The following NGEF variants were observed in gnomAD, a reference collection of about 807,000 sequenced individuals.
NGEF encodes ephexin-1.
Under a neutral mutation model 80.9 loss-of-function variants are expected in NGEF, and 31 were observed. That is an observed-to-expected ratio of 0.38 (90% CI 0.29 to 0.52). The LOEUF (loss-of-function observed/expected upper bound fraction) is 0.52. NGEF is among the 20% of genes least tolerant of loss of function. The pLI is 0.84. For synonymous variants in NGEF, 371 were observed against 370.2 expected, an observed-to-expected ratio of 1.00 and a Z score of -0.03; for missense variants, 709 against 926.2, an observed-to-expected ratio of 0.77 and a Z score of 3.04.
chr2:232,954,127 T>C (rs1693742232), intron 3 of NGEF, among the ~76,000 whole-genome samples: 1 of 152,170 alleles, frequency 6.6e-6, no homozygotes, highest in African/African-American at 2.4e-5. Context: ...GTTCAGGGTG[T>C]GCACTGTCCA....
chr2:232,978,418 G>A (rs958354710), intron 1 of NGEF, among the ~76,000 whole-genome samples: 3 of 152,280 alleles, frequency 2.0e-5, no homozygotes, highest in Non-Finnish European at 2.9e-5. Context: ...CGGATGCTGA[G>A]GCAGGAGAAT....
chr2:232,959,299 A>G (rs1377841807), intron 3 of NGEF, among the ~76,000 whole-genome samples: 2 of 152,094 alleles, frequency 1.3e-5, no homozygotes, highest in Admixed American at 6.6e-5. Context: ...ATTCCTGGTT[A>G]GAGCTGCAGG....
In NGEF at chr2:232,966,804, C is replaced by T. The variant is rs10175050; in HGVS notation, c.383+3410G>A. On this transcript the variant is annotated intron_variant, in intron 3 of 14. Coordinates refer to ENST00000264051, the MANE Select transcript of NGEF (RefSeq NM_019850.3). The stretch of plus-strand genomic sequence containing the variant: ...TGGACTCTTGCTCTGGCTTTGGGTC[C>T]GGGTTGTCAGTTACTTTTACTCTCA... Among the ~76,000 whole-genome samples, 282 of 152,162 alleles carry T rather than the reference C, an allele frequency of 1.9e-3. 2 individuals are homozygous for T. The highest frequency in any genetic ancestry group is 2.0e-3 in the Admixed American group (30 of 15,282).
At chr2:232,987,065 G>T (rs1559236060) in intron 1 of NGEF, among the ~76,000 whole-genome samples, 1 of 152,048 alleles carries the variant, frequency 6.6e-6, no homozygotes. Flanking sequence ...TGCCCAGGCT[G>T]GAGTGCAGTG....
chr2:232,995,645 A>AC (rs1694823221), intron 1 of NGEF, among the ~76,000 whole-genome samples: 1 of 52,094 alleles, frequency 1.9e-5, no homozygotes, highest in African/African-American at 6.9e-5. Context: ...TATGTATTAT[A>AC]GTGTATATAT....
chr2:232,973,126 AGAAGGG>A lies in NGEF; in HGVS notation c.268+1491_268+1496del, dbSNP rs774729506. 1.1e-3 allele frequency among the ~76,000 whole-genome samples: 171 copies of A among 152,214 alleles called. 1 individual carries two copies. Among genetic ancestry groups the A allele is most frequent in the Middle Eastern group, 6.8e-3 (2 of 294 alleles). On this transcript the variant is annotated intron_variant, in intron 2 of 14. Transcript: ENST00000264051. ...TGGGAAGCCCTTTCCTAACCCCAGC[AGAAGGG>A]TCTAATGCTTTGCCTTTATCTCTCC...
At chr2:232,916,984 C>T (rs1362859532) in intron 5 of NGEF, among the ~76,000 whole-genome samples, 1 of 152,258 alleles carries the variant, frequency 6.6e-6, no homozygotes, top group Non-Finnish European at 1.5e-5. Context: ...AGGGCAGAGG[C>T]CACCTGCCCG....
chr2:232,879,693 G>C lies in NGEF; in HGVS notation c.1943-14C>G. 6.2e-7 allele frequency: 1 copy of C among 1,602,772 alleles called. No homozygotes were observed. The highest frequency in any genetic ancestry group is 1.1e-5 in the South Asian group (1 of 90,882). ...CAAAGATCCACCCTGTGCAGGGAGG[G>C]GAGGGAGAGAAGGTCAGTGCTCCTG... On this transcript the variant is annotated splice_polypyrimidine_tract_variant and intron_variant, in intron 14 of 14. Transcript: ENST00000264051.
chr2:233,000,506 C>A (rs1315412572), intron 1 of NGEF, among the ~76,000 whole-genome samples: 1 of 152,112 alleles, frequency 6.6e-6, no homozygotes, highest in Non-Finnish European at 1.5e-5. Flanking sequence ...AATGCCAATC[C>A]CAGCACTTTG....
intron 8 of NGEF, chr2:232,891,121 G>A: frequency 1.7e-6 from 1 of 602,020 alleles, no homozygotes; most frequent in Non-Finnish European, 3.1e-6. Flanking sequence ...GGCCCATTTG[G>A]CTGTCCCCAG....
chr2:232,996,667 G>C (rs1694857354), intron 1 of NGEF, among the ~76,000 whole-genome samples: 2 of 152,110 alleles, frequency 1.3e-5, no homozygotes, highest in African/African-American at 4.8e-5. Context: ...GCTCATTTTT[G>C]TGTTTTTAGT....
At chr2:232,919,266 C>CG (rs972834671) in intron 5 of NGEF, among the ~76,000 whole-genome samples, 1 of 151,992 alleles carries the variant, frequency 6.6e-6, no homozygotes, top group African/African-American at 2.4e-5. Flanking sequence ...ACAGGAATAT[C>CG]GGGGGGTAGG....
At chr2:232,880,832 G>C (rs1691476847) in intron 14 of NGEF, among the ~76,000 whole-genome samples, 1 of 139,244 alleles carries the variant, frequency 7.2e-6, no homozygotes, top group Non-Finnish European at 1.6e-5. Flanking sequence ...CTGTGATGGG[G>C]GTGCTGAGGC....
chr2:232,943,534 C>G (rs996611095), intron 3 of NGEF, among the ~76,000 whole-genome samples: 35 of 137,058 alleles, frequency 2.6e-4, no homozygotes, highest in African/African-American at 4.6e-4. Flanking sequence ...CTCACTCTGT[C>G]GCCCAGGCTG....
At chr2:232,983,904 C>T (rs929652064) in intron 1 of NGEF, among the ~76,000 whole-genome samples, 7 of 152,282 alleles carry the variant, frequency 4.6e-5, no homozygotes, top group Middle Eastern at 3.4e-3. Context: ...GCCCCGAGTC[C>T]GGGCCTCTCC....
chr2:233,010,271 T>C (rs1695174435), intron 1 of NGEF, among the ~76,000 whole-genome samples: 1 of 152,134 alleles, frequency 6.6e-6, no homozygotes, highest in African/African-American at 2.4e-5. Flanking sequence ...CTCCCTCCCT[T>C]TTGCTAAAAC....
At position 232,892,531 on chromosome 2, in the gene NGEF, T is replaced by A. The variant is rs1691916503; in HGVS notation, c.1142+367A>T. Reference sequence around the variant, plus strand: ...ATCCTGTCCCTGCCCTTGTCGCTAGTTCAAGCCCCGTCTCTGATGTCCTGG... The same window carrying A: ...ATCCTGTCCCTGCCCTTGTCGCTAGATCAAGCCCCGTCTCTGATGTCCTGG... On this transcript the variant is annotated intron_variant, in intron 7 of 14. Coordinates refer to ENST00000264051, the MANE Select transcript of NGEF (RefSeq NM_019850.3). This position sits in a 1 kb window ranked among gnomAD's most constrained non-coding sequence, Gnocchi z 4.0. 1.3e-5 allele frequency among the ~76,000 whole-genome samples: 2 copies of A among 152,166 alleles called. No individual in the cohort carries two copies. The highest frequency in any genetic ancestry group is 4.1e-4 in the South Asian group (2 of 4,822).
intron 1 of NGEF, among the ~76,000 whole-genome samples, chr2:233,000,785 TA>T (rs1421666833): frequency 6.7e-6 from 1 of 148,598 alleles, no homozygotes; most frequent in Non-Finnish European, 1.5e-5. Flanking sequence ...CGAAAAAACC[TA>T]AATGCCTCCC....
chr2:232,899,056 ATG>A (rs922361463), intron 5 of NGEF, among the ~76,000 whole-genome samples: 16 of 148,972 alleles, frequency 1.1e-4, no homozygotes, highest in Non-Finnish European at 2.3e-4. Context: ...GGATGTGTGG[ATG>A]TGTGTGTAAA....
Sources: gnomAD v4.1 joint callset for allele counts (sites outside exome capture counted in the v4.1 genomes callset) on GRCh38, gnomAD v4.1.1 for gene constraint, Gnocchi (gnomAD v3.1) non-coding constraint, MANE v1.5 for transcripts, NCBI Gene and HGNC (gene_info 2026-07-23, HGNC 2026-07-21) for gene names.